The following LRMDA variants were observed in gnomAD, a reference collection of about 807,000 sequenced individuals.
LRMDA encodes leucine-rich melanocyte differentiation-associated protein.
LRMDA carries 18 observed loss-of-function variants against 29.8 expected under a neutral mutation model. That is an observed-to-expected ratio of 0.60 (90% CI 0.42 to 0.90). The LOEUF is 0.90. Among genes scored for constraint, LRMDA ranks in the 40% least tolerant of loss-of-function variants. LRMDA has a pLI of 0.00. For synonymous variants in LRMDA, 125 were observed against 109.4 expected, an observed-to-expected ratio of 1.14 and a Z score of -0.89; for missense variants, 273 against 273.9, an observed-to-expected ratio of 1.00 and a Z score of 0.02.
At chr10:75,751,409 T>C (rs373684776) in intron 2 of LRMDA, among the ~76,000 whole-genome samples, 1 of 152,104 alleles carries the variant, frequency 6.6e-6, no homozygotes, top group African/African-American at 2.4e-5. Context: ...AACTTTAACC[T>C]GCTTTTAACC....
chr10:76,356,181 G>A (rs1841237375), intron 6 of LRMDA, among the ~76,000 whole-genome samples: 1 of 152,176 alleles, frequency 6.6e-6, no homozygotes, highest in Non-Finnish European at 1.5e-5. Context: ...AACAATGTCA[G>A]GATGATAGTG....
intron 2 of LRMDA, among the ~76,000 whole-genome samples, chr10:75,618,553 G>T (rs1222157509): frequency 4.8e-5 from 7 of 147,232 alleles, no homozygotes; most frequent in African/African-American, 1.7e-4. Context: ...CAATGTGGGG[G>T]TCAGGGGCAC....
chr10:75,835,752 C>T (rs777571292), intron 2 of LRMDA, among the ~76,000 whole-genome samples: 3 of 152,120 alleles, frequency 2.0e-5, no homozygotes, highest in Non-Finnish European at 4.4e-5. Flanking sequence ...TGGCTAAGGC[C>T]CTTCAGGACT....
intron 6 of LRMDA, among the ~76,000 whole-genome samples, chr10:76,398,218 T>G (rs2132492776): frequency 6.6e-6 from 1 of 152,302 alleles, no homozygotes; most frequent in East Asian, 1.9e-4. Flanking sequence ...CATGCGGACT[T>G]CTAGCTAAAG....
chr10:76,337,211 A>C (rs1361763796), intron 6 of LRMDA, among the ~76,000 whole-genome samples: 1 of 152,230 alleles, frequency 6.6e-6, no homozygotes, highest in Non-Finnish European at 1.5e-5. Flanking sequence ...AGCCCTGTTC[A>C]AAACATTAGA....
intron 4 of LRMDA, among the ~76,000 whole-genome samples, chr10:76,053,194 C>T (rs1848558330): frequency 6.6e-6 from 1 of 152,094 alleles, no homozygotes; most frequent in Admixed American, 6.6e-5. Flanking sequence ...AAGTTTAGTG[C>T]CCTTTTGTTG....
At chr10:76,217,499 G>A (rs967909554) in intron 5 of LRMDA, among the ~76,000 whole-genome samples, 1 of 152,188 alleles carries the variant, frequency 6.6e-6, no homozygotes, top group African/African-American at 2.4e-5. Flanking sequence ...CTGATGTGAG[G>A]CAAATCCAGA....
At chr10:75,996,935 T>C (rs1847477270) in intron 2 of LRMDA, among the ~76,000 whole-genome samples, 1 of 152,102 alleles carries the variant, frequency 6.6e-6, no homozygotes, top group South Asian at 2.1e-4. Context: ...GGTTTCACCG[T>C]GTTAGCCAGG....
chr10:76,465,552 AACAAC>A (rs1842556284), intron 6 of LRMDA, among the ~76,000 whole-genome samples: 1 of 152,182 alleles, frequency 6.6e-6, no homozygotes, highest in Non-Finnish European at 1.5e-5. Context: ...ATGTGTCTAA[AACAAC>A]CCTGGAACCC....
chr10:75,634,634 A>C lies in LRMDA; in HGVS notation c.131+196140A>C, dbSNP rs542512715. ...CCTCAGCTAATGCAGTAAGATAAGA[A>C]ATTGAAAACAGAGGTATAAGGAATG... On this transcript the variant is annotated intron_variant, in intron 2 of 6. Transcript: ENST00000611255. 2.0e-5 allele frequency among the ~76,000 whole-genome samples: 3 copies of C among 152,360 alleles called. No individual in the cohort carries two copies. In the East Asian group the frequency reaches 5.8e-4, roughly 29 times the overall value.
chr10:76,510,110 G>T (rs1201924319), intron 6 of LRMDA, among the ~76,000 whole-genome samples: 2 of 152,058 alleles, frequency 1.3e-5, no homozygotes, highest in African/African-American at 4.8e-5. Context: ...TGGCTTTGTT[G>T]TCTAGGCTGG....
chr10:75,573,656 G>A (rs1056394601), intron 2 of LRMDA, among the ~76,000 whole-genome samples: 1 of 151,992 alleles, frequency 6.6e-6, no homozygotes, highest in Non-Finnish European at 1.5e-5. Flanking sequence ...CCCCCATTGT[G>A]TCTTATTTCC....
At chr10:75,836,048 C>T (rs1844430158) in intron 2 of LRMDA, among the ~76,000 whole-genome samples, 3 of 152,244 alleles carry the variant, frequency 2.0e-5, no homozygotes, top group Admixed American at 2.0e-4. Context: ...AAAAAATCCT[C>T]ACTCTCTTAG....
chr10:76,483,728 A>G (rs1842755097), intron 6 of LRMDA, among the ~76,000 whole-genome samples: 1 of 151,734 alleles, frequency 6.6e-6, no homozygotes, highest in Non-Finnish European at 1.5e-5. Flanking sequence ...AACCATTAAA[A>G]AAAAAAAAAA....
At chr10:76,357,059 A>C (rs1037089940) in intron 6 of LRMDA, among the ~76,000 whole-genome samples, 2 of 152,214 alleles carry the variant, frequency 1.3e-5, no homozygotes, top group African/African-American at 2.4e-5. Context: ...CAAGTGCAAA[A>C]CAAAAAATTG....
chr10:75,784,541 T>A lies in LRMDA; in HGVS notation c.132-251467T>A, dbSNP rs534433976. On this transcript the variant is annotated intron_variant, in intron 2 of 6. Transcript: ENST00000611255. ...GGTGAAACCCTGTCTCTACTAAAAA[T>A]ACAAAAAATTAGCCGGGCTTGGTGG... Among the ~76,000 whole-genome samples, 14 of 151,756 alleles carry A rather than the reference T, an allele frequency of 9.2e-5. No homozygotes were observed. The South Asian group carries it at 2.9e-3, about 32-fold the overall frequency.
At chr10:76,446,335 C>T (rs1400035849) in intron 6 of LRMDA, among the ~76,000 whole-genome samples, 2 of 152,180 alleles carry the variant, frequency 1.3e-5, no homozygotes, top group Non-Finnish European at 2.9e-5. Context: ...CTGCAATGCA[C>T]ACCCATATAT....
intron 5 of LRMDA, among the ~76,000 whole-genome samples, chr10:76,223,785 C>T (rs376900215): frequency 6.6e-6 from 1 of 152,136 alleles, no homozygotes. Context: ...GTCTGTGGTC[C>T]TTTGTTATAT....
At chr10:76,442,581 T>A (rs1254205978) in intron 6 of LRMDA, among the ~76,000 whole-genome samples, 1 of 152,112 alleles carries the variant, frequency 6.6e-6, no homozygotes. Context: ...TGGTCCCAGC[T>A]ACTCAGGAGG....
Sources: allele counts gnomAD v4.1 joint callset (sites outside exome capture counted in the v4.1 genomes callset), GRCh38; gene constraint gnomAD v4.1.1; transcripts MANE v1.5; gene names NCBI Gene and HGNC (gene_info 2026-07-23, HGNC 2026-07-21).